VPS41: variants seen among roughly 807,000 people sequenced by gnomAD.
The protein encoded by VPS41 is vacuolar protein sorting-associated protein 41 homolog.
VPS41 carries 85 observed loss-of-function variants against 130.9 expected under a neutral mutation model. The ratio of observed to expected loss-of-function variants is 0.65; its 90% confidence interval spans 0.55 to 0.78. VPS41 has a LOEUF of 0.78. Ranked by LOEUF, VPS41 falls within the 30% of genes least tolerant of loss-of-function variation. The pLI, the probability that VPS41 is intolerant of heterozygous loss-of-function variation, is 0.00. For synonymous variants in VPS41, 335 were observed against 332.9 expected, an observed-to-expected ratio of 1.01 and a Z score of -0.07; for missense variants, 874 against 1,018.7, an observed-to-expected ratio of 0.86 and a Z score of 1.93.
chr7:38,806,418 G>T (rs773910357), intron 7 of VPS41, among the ~76,000 whole-genome samples: 8 of 152,122 alleles, frequency 5.3e-5, no homozygotes, highest in African/African-American at 9.7e-5. Context: ...AGATCCATAA[G>T]ATAGAATATT....
chr7:38,837,882 G>C (rs1354712943), intron 4 of VPS41, among the ~76,000 whole-genome samples: 1 of 152,014 alleles, frequency 6.6e-6, no homozygotes, highest in Non-Finnish European at 1.5e-5. Flanking sequence ...TATTTATTTT[G>C]TTTCTAATCA....
At chr7:38,858,454 C>A (rs1254702938) in intron 4 of VPS41, among the ~76,000 whole-genome samples, 1 of 152,132 alleles carries the variant, frequency 6.6e-6, no homozygotes, top group Non-Finnish European at 1.5e-5. Flanking sequence ...TCTGACTCCC[C>A]CTTCCCGTCA....
intron 1 of VPS41, among the ~76,000 whole-genome samples, chr7:38,905,041 G>A (rs1787227347): frequency 6.6e-6 from 1 of 152,092 alleles, no homozygotes; most frequent in South Asian, 2.1e-4. Flanking sequence ...AAAGGTGCAA[G>A]TAAGATAAAA....
At chr7:38,846,271 G>A (rs1785721808) in intron 4 of VPS41, among the ~76,000 whole-genome samples, 1 of 152,184 alleles carries the variant, frequency 6.6e-6, no homozygotes, top group East Asian at 1.9e-4. Flanking sequence ...AGTTCCACAA[G>A]TGACTTGACT....
chr7:38,813,717 T>C (rs1784987626), intron 7 of VPS41, among the ~76,000 whole-genome samples: 2 of 152,186 alleles, frequency 1.3e-5, no homozygotes. Flanking sequence ...TTTTAAATTA[T>C]TTTAGTCCCA....
At chr7:38,874,590 G>A (rs1198956954) in intron 2 of VPS41, among the ~76,000 whole-genome samples, 2 of 151,980 alleles carry the variant, frequency 1.3e-5, no homozygotes, top group Non-Finnish European at 2.9e-5. Context: ...TCTGACTAGG[G>A]GCAAATCCTT....
At chr7:38,908,725 C>T (rs554324113) in intron 1 of VPS41, among the ~76,000 whole-genome samples, 1 of 152,344 alleles carries the variant, frequency 6.6e-6, no homozygotes, top group African/African-American at 2.4e-5. Flanking sequence ...GTACCTAACT[C>T]CAATAGATAC....
chr7:38,815,745 G>A (rs891111395), intron 7 of VPS41, among the ~76,000 whole-genome samples: 1 of 152,098 alleles, frequency 6.6e-6, no homozygotes, highest in African/African-American at 2.4e-5. Context: ...AGACTAGACT[G>A]GCTTAGCCTC....
In VPS41 at chr7:38,723,162, C is replaced by T. The variant is rs12672793; in HGVS notation, c.*3084G>A. The T allele has an allele frequency of 0.18, 27,151 of 151,972 alleles. 3,302 individuals carry two copies. The highest frequency in any genetic ancestry group is 0.43 in the East Asian group (2,186 of 5,138). The allele number at this position is 151,972 out of a possible 1,614,324, so 9.4% of individuals were successfully genotyped here. A position where few individuals can be genotyped will look rare whatever the true frequency, so the allele number is the denominator to read the frequency against. ...CTGAGAAGGAGGAGGAAGGGGAGGG[C>T]CTGGTCTTGCCGTCTCAAGGGTGGC... On this transcript the variant is annotated 3_prime_UTR_variant, in exon 29 of 29. Transcript: ENST00000310301.
intron 1 of VPS41, among the ~76,000 whole-genome samples, chr7:38,899,403 A>G (rs1323104751): frequency 2.6e-5 from 4 of 152,184 alleles, no homozygotes; most frequent in Non-Finnish European, 4.4e-5. Context: ...AAAAACAATT[A>G]TTGCACTACA....
chr7:38,835,939 T>G (rs1017320800), intron 4 of VPS41, among the ~76,000 whole-genome samples: 3 of 151,982 alleles, frequency 2.0e-5, no homozygotes, highest in Non-Finnish European at 4.4e-5. Flanking sequence ...AATGCTCTTT[T>G]GCCCTAAATT....
intron 14 of VPS41, 41 bp from the exon 15 acceptor site, chr7:38,767,639 A>G: frequency 6.6e-7 from 1 of 1,507,756 alleles, no homozygotes; most frequent in Admixed American, 1.7e-5. Flanking sequence ...ATTTAACTGA[A>G]ACAACTGAAA....
intron 25 of VPS41, among the ~76,000 whole-genome samples, chr7:38,737,002 A>G (rs1795782862): frequency 6.6e-6 from 1 of 152,168 alleles, no homozygotes; most frequent in Middle Eastern, 3.2e-3. Context: ...ACCACTTTTG[A>G]AAGTTGGTGG....
At chr7:38,876,558 T>A (rs1043331565) in intron 2 of VPS41, among the ~76,000 whole-genome samples, 4 of 152,200 alleles carry the variant, frequency 2.6e-5, no homozygotes, top group Admixed American at 6.5e-5. Context: ...TGTGAGCTAT[T>A]GCCAATATTT....
chr7:38,899,076 A>G (rs995234726), intron 1 of VPS41, among the ~76,000 whole-genome samples: 1 of 152,232 alleles, frequency 6.6e-6, no homozygotes, highest in Non-Finnish European at 1.5e-5. Context: ...GATAAATGTA[A>G]ATCTAGTGTT....
chr7:38,742,919 T>C (rs1795911799), intron 24 of VPS41, among the ~76,000 whole-genome samples: 1 of 152,180 alleles, frequency 6.6e-6, no homozygotes, highest in South Asian at 2.1e-4. Flanking sequence ...ATACAAACTC[T>C]GGGTGTTGTA....
intron 4 of VPS41, among the ~76,000 whole-genome samples, chr7:38,854,063 T>C (rs1204150808): frequency 1.3e-5 from 2 of 152,222 alleles, no homozygotes; most frequent in Admixed American, 1.3e-4. Flanking sequence ...CTTGGCATCA[T>C]TTATCAGAAG....
chr7:38,819,593 C>T (rs1443857443), intron 6 of VPS41, among the ~76,000 whole-genome samples: 2 of 152,082 alleles, frequency 1.3e-5, no homozygotes, highest in African/African-American at 4.8e-5. Flanking sequence ...TCAAAATCAC[C>T]ACATAGAATG....
At chr7:38,892,649 T>C (rs1047996442) in intron 2 of VPS41, among the ~76,000 whole-genome samples, 2 of 152,192 alleles carry the variant, frequency 1.3e-5, no homozygotes, top group Non-Finnish European at 2.9e-5. Flanking sequence ...CGGAAGCATA[T>C]TACTTGTTTC....
Sources: allele counts gnomAD v4.1 joint callset (sites outside exome capture counted in the v4.1 genomes callset), GRCh38; gene constraint gnomAD v4.1.1; transcripts MANE v1.5; gene names NCBI Gene and HGNC (gene_info 2026-07-23, HGNC 2026-07-21).